The following ASIC4 variants were observed in gnomAD, a reference collection of about 807,000 sequenced individuals.
ASIC4 encodes acid sensing ion channel subunit family member 4.
Under a neutral mutation model 53.4 loss-of-function variants are expected in ASIC4, and 28 were observed. That is an observed-to-expected ratio of 0.52 (90% CI 0.39 to 0.72). The LOEUF (loss-of-function observed/expected upper bound fraction) is 0.72. Among genes scored for constraint, ASIC4 ranks in the 30% least tolerant of loss-of-function variants. The pLI is 0.00. For synonymous variants in ASIC4, 289 were observed against 301.4 expected, an observed-to-expected ratio of 0.96 and a Z score of 0.43; for missense variants, 649 against 729.7, an observed-to-expected ratio of 0.89 and a Z score of 1.27.
In ASIC4 at chr2:219,515,013, C is replaced by T. The variant is rs764065064; in HGVS notation, c.289C>T (p.His97Tyr). The T allele has an allele frequency of 1.2e-6, 2 of 1,613,440 alleles. No individual in the cohort carries two copies. The highest frequency in any genetic ancestry group is 1.7e-5 in the Admixed American group (1 of 60,012). The change falls in exon 1 of 10, where the codon CAC becomes TAC. Residue 97 changes from histidine (H) to tyrosine (Y), a missense_variant. Transcript: ENST00000358078. ...GLARGYLTRP[H>Y]LVAMDPAAPA... ...GGCCCGGGGCTACCTGACCCGGCCT[C>T]ACCTGGTGGCAATGGACCCCGCTGC... is the stretch of plus-strand genomic sequence containing the variant.
chr2:219,520,501 C>A (rs892766609), intron 1 of ASIC4, among the ~76,000 whole-genome samples: 27 of 152,322 alleles, frequency 1.8e-4, no homozygotes, highest in Admixed American at 9.1e-4. Flanking sequence ...CCCTCCACCC[C>A]CTACACTTGG....
At chr2:219,524,633 C>T (rs1467116) in intron 1 of ASIC4, among the ~76,000 whole-genome samples, 68,420 of 152,162 alleles carry the variant, frequency 0.45, 17,816 homozygotes, top group East Asian at 0.71. Flanking sequence ...TGCCATTTTA[C>T]AGATGAAAAA....
In ASIC4 at chr2:219,514,890, CG is replaced by C; in HGVS notation, c.169del (p.Ala57ProfsTer37). The C allele has an allele frequency of 1.2e-6, 2 of 1,612,758 alleles. No homozygotes were observed. The highest frequency in any genetic ancestry group is 1.7e-6 in the Non-Finnish European group (2 of 1,179,860). On this transcript the variant is annotated frameshift_variant, in exon 1 of 10. Coordinates refer to ENST00000358078, the MANE Select transcript of ASIC4 (RefSeq NM_018674.6). LOFTEE classifies it high-confidence loss of function. ...CACCAGCACCCTGCATGGACTGGGC[CG>C]GGCCTGTGGCCCAGGCCCCCACGGA... The part of the protein sequence containing the change: ...ASTSTLHGLG[R>X]ACGPGPHGLR...
upstream of ASIC4, among the ~76,000 whole-genome samples, chr2:219,510,460 G>A (rs1335504890): frequency 1.3e-5 from 2 of 152,086 alleles, no homozygotes; most frequent in South Asian, 2.1e-4. This position sits in a 1 kb window ranked among gnomAD's most constrained non-coding sequence, Gnocchi z 5.2. Flanking sequence ...CGAGGTTGTC[G>A]GCTGCACACC....
At chr2:219,527,981 G>A (rs948375775) in intron 1 of ASIC4, among the ~76,000 whole-genome samples, 1 of 152,250 alleles carries the variant, frequency 6.6e-6, no homozygotes. Context: ...TCAGGGCTCC[G>A]CCGAGGTGGT....
In ASIC4 at chr2:219,537,306, C is replaced by A; in HGVS notation, c.1386C>A (p.Leu462=). Reference sequence around the variant, plus strand: ...GCATCCTCACGTTGCTGGAGATCCTCGACTACATCTATGAGGCAAGGGCCC... The same window carrying A: ...GCATCCTCACGTTGCTGGAGATCCTAGACTACATCTATGAGGCAAGGGCCC... ...GASILTLLEI[L]DYIYEVSWDR... is the part of the protein sequence containing the mutation. Residue 462 remains leucine, a synonymous_variant, in exon 8 of 10, where the codon CTC becomes CTA. Coordinates refer to ENST00000358078, the MANE Select transcript of ASIC4 (RefSeq NM_018674.6). This position sits in a 1 kb window ranked among gnomAD's most constrained non-coding sequence, Gnocchi z 4.9. 1 of 1,613,086 alleles carries A rather than the reference C, an allele frequency of 6.2e-7. No individual in the cohort carries two copies. Among genetic ancestry groups the A allele is most frequent in the Non-Finnish European group, 8.5e-7 (1 of 1,179,726 alleles).
upstream of ASIC4, chr2:219,514,021 G>A: frequency 2.7e-6 from 1 of 372,832 alleles, no homozygotes. Flanking sequence ...GCTGGGTGCT[G>A]GAGTCAGGAG....
chr2:219,512,072 G>A (rs1199899566), upstream of ASIC4, among the ~76,000 whole-genome samples: 1 of 152,096 alleles, frequency 6.6e-6, no homozygotes, highest in African/African-American at 2.4e-5. Context: ...CTGGAGGCTG[G>A]GGGCTTGGGG....
chr2:219,521,368 G>A (rs1574489130), intron 1 of ASIC4, among the ~76,000 whole-genome samples: 3 of 152,198 alleles, frequency 2.0e-5, no homozygotes, highest in East Asian at 1.9e-4. Context: ...ATGGCCCCAC[G>A]TCCTGTCCCC....
Position 219,537,784 on chromosome 2 carries a change from G to A in ASIC4, c.1506+48G>A. The A allele has an allele frequency of 2.6e-6, 4 of 1,563,956 alleles. No homozygotes were observed. The highest frequency in any genetic ancestry group is 3.5e-6 in the Non-Finnish European group (4 of 1,146,426). On this transcript the variant is annotated intron_variant, in intron 9 of 9. Coordinates refer to ENST00000358078, the MANE Select transcript of ASIC4 (RefSeq NM_018674.6). This position sits in a 1 kb window ranked among gnomAD's most constrained non-coding sequence, Gnocchi z 4.9. ...TGCAGCATGCAGCCACACCTCCCCA[G>A]GACTGAATACATCCATTGTTTCTGA...
intron 1 of ASIC4, among the ~76,000 whole-genome samples, chr2:219,523,997 A>T (rs911844255): frequency 2.0e-5 from 3 of 151,868 alleles, no homozygotes; most frequent in Non-Finnish European, 4.4e-5. Flanking sequence ...CTAATTTATT[A>T]TTATTTGTAG....
At chr2:219,532,548 C>T in intron 4 of ASIC4, 71 bp downstream of exon 4, 1 of 1,554,794 alleles carries the variant, frequency 6.4e-7, no homozygotes, top group South Asian at 1.2e-5. Flanking sequence ...GGGCAAGGCA[C>T]TGCTCATGTG....
intron 1 of ASIC4, among the ~76,000 whole-genome samples, chr2:219,523,703 A>G (rs1694923448): frequency 6.6e-6 from 1 of 152,206 alleles, no homozygotes. Flanking sequence ...GACCTTGGCT[A>G]GGTCACCCCA....
At chr2:219,532,557 T>G in intron 4 of ASIC4, 80 bp downstream of exon 4, 2 of 1,530,634 alleles carry the variant, frequency 1.3e-6, no homozygotes, top group Non-Finnish European at 1.8e-6. Context: ...ACTGCTCATG[T>G]GCACAGGCAG....
chr2:219,534,724 A>G (rs916613665), intron 5 of ASIC4, among the ~76,000 whole-genome samples: 1 of 152,038 alleles, frequency 6.6e-6, no homozygotes, highest in Non-Finnish European at 1.5e-5. Flanking sequence ...TTGTCGGTCT[A>G]TTTGTTCTTC....
At chr2:219,528,036 C>T (rs967406211) in intron 1 of ASIC4, among the ~76,000 whole-genome samples, 9 of 152,256 alleles carry the variant, frequency 5.9e-5, no homozygotes, top group African/African-American at 1.9e-4. Flanking sequence ...AACGTGGGTA[C>T]CCCACGTCGC....
Position 219,531,866 on chromosome 2 carries a change from C to T in ASIC4, c.691C>T (p.Gln231Ter). ...GSGLEIMLDI[Q>*]QEEYLPIWRE... ...TGGCCTGGAGATCATGCTGGACATC[C>T]AGCAGGAGGAGTACCTGCCCATCTG... Residue 231 changes from glutamine (Q) to a stop codon, truncating the protein, a stop_gained, in exon 2 of 10, where the codon CAG becomes TAG. Coordinates refer to ENST00000358078, the MANE Select transcript of ASIC4 (RefSeq NM_018674.6). LOFTEE classifies it high-confidence loss of function. 6.2e-7 allele frequency: 1 copy of T among 1,613,212 alleles called. No homozygotes were observed. Among genetic ancestry groups the T allele is most frequent in the Non-Finnish European group, 8.5e-7 (1 of 1,179,532 alleles).
At chr2:219,535,541 G>A (rs1461356465) in intron 6 of ASIC4, among the ~76,000 whole-genome samples, 1 of 142,624 alleles carries the variant, frequency 7.0e-6, no homozygotes, top group Non-Finnish European at 1.6e-5. Context: ...GTGTCTTGTG[G>A]GTGTGTGAGT....
At chr2:219,521,734 T>G (rs993130711) in intron 1 of ASIC4, among the ~76,000 whole-genome samples, 2 of 42,174 alleles carry the variant, frequency 4.7e-5, no homozygotes, top group Non-Finnish European at 8.8e-5. Context: ...AGTTATAAGT[T>G]ATAAGTATTC....
Sources: gnomAD v4.1 joint callset for allele counts (sites outside exome capture counted in the v4.1 genomes callset) on GRCh38, gnomAD v4.1.1 for gene constraint, Gnocchi (gnomAD v3.1) non-coding constraint, MANE v1.5 for transcripts, NCBI Gene and HGNC (gene_info 2026-07-23, HGNC 2026-07-21) for gene names.